CRPPA: variants seen among roughly 807,000 people sequenced by gnomAD.
CRPPA encodes D-ribitol-5-phosphate cytidylyltransferase.
CRPPA carries 43 observed loss-of-function variants against 52.0 expected under a neutral mutation model. That is an observed-to-expected ratio of 0.83 (90% CI 0.65 to 1.07). The LOEUF (loss-of-function observed/expected upper bound fraction) is 1.07. Among genes scored for constraint, CRPPA ranks in the 50% least tolerant of loss-of-function variants. CRPPA has a pLI of 0.00. For missense variants in CRPPA, 629 were observed against 551.7 expected, an observed-to-expected ratio of 1.14 and a Z score of -1.40; for synonymous variants, 250 against 203.5, an observed-to-expected ratio of 1.23 and a Z score of -1.94.
intron 8 of CRPPA, among the ~76,000 whole-genome samples, chr7:16,239,646 A>T (rs530919622): frequency 6.6e-6 from 1 of 151,270 alleles, no homozygotes; most frequent in Non-Finnish European, 1.5e-5. Flanking sequence ...AATTGTTCAA[A>T]TTTCTTACCT....
chr7:16,286,097 A>AATATATATATATATATATATAT (rs71007759), intron 5 of CRPPA, among the ~76,000 whole-genome samples: 21 of 39,116 alleles, frequency 5.4e-4, no homozygotes, highest in African/African-American at 3.5e-3. Context: ...TAAAAAAAAA[A>AATATATATATATATATATATAT]ATATATATAT....
intron 9 of CRPPA, among the ~76,000 whole-genome samples, chr7:16,164,889 A>G (rs1276786195): frequency 6.6e-6 from 1 of 152,096 alleles, no homozygotes; most frequent in Non-Finnish European, 1.5e-5. Context: ...GCTTCTTCCC[A>G]GAGGGGCACC....
chr7:16,191,219 A>G (rs758627011), intron 9 of CRPPA, among the ~76,000 whole-genome samples: 1 of 152,084 alleles, frequency 6.6e-6, no homozygotes, highest in Non-Finnish European at 1.5e-5. Flanking sequence ...TTACTCTCAT[A>G]GTGTAAAGCA....
At chr7:16,374,245 T>C (rs1488445234) in intron 3 of CRPPA, among the ~76,000 whole-genome samples, 5 of 152,174 alleles carry the variant, frequency 3.3e-5, no homozygotes, top group Admixed American at 3.3e-4. Context: ...GCTGGCTTGC[T>C]AAGTCTTCTG....
chr7:16,093,655 A>G (rs1781881971), intron 9 of CRPPA, among the ~76,000 whole-genome samples: 1 of 152,154 alleles, frequency 6.6e-6, no homozygotes, highest in Non-Finnish European at 1.5e-5. Flanking sequence ...CGATACCTAA[A>G]CCACATCTAA....
intron 8 of CRPPA, among the ~76,000 whole-genome samples, chr7:16,230,404 C>T (rs375969211): frequency 2.0e-5 from 3 of 152,090 alleles, no homozygotes; most frequent in African/African-American, 7.2e-5. Context: ...TTGATGCACT[C>T]TATTGCATTT....
intron 9 of CRPPA, among the ~76,000 whole-genome samples, chr7:16,148,147 A>C (rs1783009551): frequency 2.0e-5 from 3 of 152,204 alleles, no homozygotes; most frequent in Admixed American, 1.3e-4. Flanking sequence ...ACATATAAAC[A>C]AACATGTATA....
chr7:16,322,014 C>T (rs927809316), intron 3 of CRPPA, among the ~76,000 whole-genome samples: 5 of 152,064 alleles, frequency 3.3e-5, no homozygotes, highest in African/African-American at 1.2e-4. Context: ...ACTCTGGAGC[C>T]AGAAAGATCC....
chr7:16,105,744 C>T (rs1206330523), intron 9 of CRPPA, among the ~76,000 whole-genome samples: 1 of 152,016 alleles, frequency 6.6e-6, no homozygotes, highest in Admixed American at 6.6e-5. Flanking sequence ...AGTCATCCTG[C>T]CCAACCTCAG....
chr7:16,287,365 T>G (rs1316160324), intron 5 of CRPPA, among the ~76,000 whole-genome samples: 4 of 152,208 alleles, frequency 2.6e-5, no homozygotes, highest in African/African-American at 9.6e-5. Context: ...TCCTGAACTC[T>G]GCTTATGATT....
intron 8 of CRPPA, among the ~76,000 whole-genome samples, chr7:16,224,934 C>A (rs929338004): frequency 3.3e-5 from 5 of 152,022 alleles, no homozygotes; most frequent in African/African-American, 4.8e-5. Flanking sequence ...ACTCATAATT[C>A]TGATGAATAG....
Position 16,090,762 on chromosome 7 carries a change from A to T in CRPPA, c.*933T>A, listed in dbSNP as rs1781821746. On this transcript the variant is annotated 3_prime_UTR_variant, in exon 10 of 10. Coordinates refer to ENST00000407010, the MANE Select transcript of CRPPA (RefSeq NM_001101426.4). ...ATAAATAGAGTAAGTGTATGTATAG[A>T]TTAAAAGTCACCTCTAATGAATTAA... 1 of 152,030 alleles carries T rather than the reference A, an allele frequency of 6.6e-6. No homozygotes were observed. The highest frequency in any genetic ancestry group is 3.2e-3 in the Middle Eastern group (1 of 316). The allele number at this position is 152,030 out of a possible 1,614,324, so 9.4% of individuals were successfully genotyped here. A position where few individuals can be genotyped will look rare whatever the true frequency, so the allele number is the denominator to read the frequency against.
chr7:16,142,081 C>T (rs914953187), intron 9 of CRPPA, among the ~76,000 whole-genome samples: 1 of 152,078 alleles, frequency 6.6e-6, no homozygotes, highest in African/African-American at 2.4e-5. Context: ...GCATAGCTAG[C>T]TCCACAAGTT....
Position 16,099,400 on chromosome 7 carries a change from AAGGGGAGGGAAGGGG to A in CRPPA, c.1252-7616_1252-7602del, listed in dbSNP as rs561067718. 5.5e-3 allele frequency among the ~76,000 whole-genome samples: 613 copies of A among 111,484 alleles called. 3 individuals carry two copies. Among genetic ancestry groups the A allele is most frequent in the African/African-American group, 0.02 (579 of 29,384 alleles). 73.1% of individuals were successfully genotyped at this position (111,484 alleles called of 152,430 possible). On this transcript the variant is annotated intron_variant, in intron 9 of 9. Transcript: ENST00000407010. ...GCAGAGGGAAGGGGAGGGGAGAAGG[AAGGGGAGGGAAGGGG>A]AGGGGAGGGAAGGGGAGGGAAAAAG...
chr7:16,165,228 A>T (rs886842752), intron 9 of CRPPA, among the ~76,000 whole-genome samples: 1 of 44,312 alleles, frequency 2.3e-5, no homozygotes, highest in South Asian at 1.4e-3. Flanking sequence ...TCCTCCAAGA[A>T]AAAAAAAAAA....
chr7:16,200,431 C>T (rs183949889), intron 9 of CRPPA, among the ~76,000 whole-genome samples: 2 of 152,116 alleles, frequency 1.3e-5, no homozygotes, highest in Non-Finnish European at 1.5e-5. Flanking sequence ...ATAATAGTAA[C>T]ATCGACAATG....
At chr7:16,150,838 G>A (rs2128378781) in intron 9 of CRPPA, among the ~76,000 whole-genome samples, 1 of 152,288 alleles carries the variant, frequency 6.6e-6, no homozygotes, top group South Asian at 2.1e-4. Context: ...TATGGCAGGA[G>A]GGCAAGTGAC....
At chr7:16,277,479 A>G (rs368990442) in intron 6 of CRPPA, 2 of 152,164 alleles carry the variant, frequency 1.3e-5, no homozygotes, top group African/African-American at 4.8e-5. Context: ...ATAAACTTGG[A>G]TTAGAAGTTA....
intron 3 of CRPPA, 42 bp from the exon 4 acceptor site, chr7:16,308,669 G>A (rs373276049): frequency 2.5e-6 from 3 of 1,187,186 alleles, no homozygotes; most frequent in East Asian, 2.4e-5. Context: ...GCTAAAATGC[G>A]ATTTTAAGTA....
Sources: gnomAD v4.1 joint callset for allele counts (sites outside exome capture counted in the v4.1 genomes callset) on GRCh38, gnomAD v4.1.1 for gene constraint, MANE v1.5 for transcripts, NCBI Gene and HGNC (gene_info 2026-07-23, HGNC 2026-07-21) for gene names.